TSC1: variants seen among roughly 807,000 people sequenced by gnomAD.
TSC1 encodes hamartin.
A neutral mutation model predicts 124.3 loss-of-function variants in TSC1; 20 were observed. The ratio of observed to expected loss-of-function variants is 0.16; its 90% CI spans 0.11 to 0.23. The LOEUF (loss-of-function observed/expected upper bound fraction) is 0.23, where lower values mean the gene tolerates loss of function less well. TSC1 is among the 10% of genes least tolerant of loss of function. The pLI, the probability that TSC1 is intolerant of heterozygous loss-of-function variation, is 1.00. For synonymous variants in TSC1, 493 were observed against 539.1 expected (o/e 0.91, Z 1.19); for missense variants, 1,124 against 1,448.5 (o/e 0.78, Z 3.64).
At position 132,906,014 on chromosome 9, in the gene TSC1, C is replaced by A. The variant is rs1461138345; in HGVS notation, c.1564G>T (p.Ala522Ser). Residue 522 changes from alanine (A) to serine (S), a missense_variant, in exon 15 of 23, where the codon GCA (alanine) becomes TCA (serine). Transcript: ENST00000298552. The surrounding 1 kb of genome is among the most constrained non-coding windows in gnomAD (Gnocchi z 4.1). ...CTGGCGCCCTGAGAACTGGAGGCTG[C>A]CGAGTGGGTCTTCCGCTGAGAACCT... ...LPGSQRKTHS[A>S]ASSSQGASVN... 1 of 1,613,956 alleles carries A rather than the reference C, an allele frequency of 6.2e-7. No individual in the cohort carries two copies. The highest frequency in any genetic ancestry group is 8.5e-7 in the Non-Finnish European group (1 of 1,179,972).
Position 132,892,503 on chromosome 9 carries a change from G to A in TSC1, c.*3732C>T, listed in dbSNP as rs749141370. ...GCAGCTTCCTTCTCCAGGTGGGGCA[G>A]AGCCCCCTGGGGGAACAACTCTCCA... On this transcript the variant is annotated 3_prime_UTR_variant, in exon 23 of 23. Coordinates refer to ENST00000298552, the MANE Select transcript of TSC1 (RefSeq NM_000368.5). 6.4e-5 allele frequency: 15 copies of A among 233,428 alleles called. No homozygotes were observed. The South Asian group carries it at 1.8e-3, about 28-fold the overall frequency. 14.5% of individuals were successfully genotyped at this position (233,428 alleles called of 1,614,324 possible).
intron 20 of TSC1, 153 bp downstream of exon 20, chr9:132,900,562 G>A (rs1319465612): frequency 1.6e-6 from 2 of 1,272,960 alleles, no homozygotes; most frequent in Non-Finnish European, 2.3e-6. Context: ...TGGCTGGAAA[G>A]TGCTTGTATA....
Position 132,896,022 on chromosome 9 carries a change from G to T in TSC1, c.*213C>A. The T allele has an allele frequency of 1.5e-6, 1 of 656,624 alleles. No homozygotes were observed. The highest frequency in any genetic ancestry group is 2.7e-6 in the Non-Finnish European group (1 of 370,460). The allele number at this position is 656,624 out of a possible 1,614,324, so 40.7% of individuals were successfully genotyped here. A position where few individuals can be genotyped will look rare whatever the true frequency, so the allele number is the denominator to read the frequency against. On this transcript the variant is annotated 3_prime_UTR_variant, in exon 23 of 23. Transcript: ENST00000298552. This position sits in a 1 kb window ranked among gnomAD's most constrained non-coding sequence, Gnocchi z 4.5. ...ACACACTGCGAGGTAAATGAGAGGGGGTTAGGGCGGGTGGAGGGGAAGGTC... is the reference window on the plus strand; with the variant it reads ...ACACACTGCGAGGTAAATGAGAGGGTGTTAGGGCGGGTGGAGGGGAAGGTC...
chr9:132,906,285 C>T lies in TSC1; in HGVS notation c.1439-146G>A, dbSNP rs1845667610. The stretch of plus-strand genomic sequence containing the variant: ...ATCCGGCTGGACACAGTGGCTCACG[C>T]CTGTAATGCCAGAACTTTGGGAGGC... On this transcript the variant is annotated intron_variant, in intron 14 of 22. Transcript: ENST00000298552. The surrounding 1 kb of genome is among the most constrained non-coding windows in gnomAD (Gnocchi z 4.1). The T allele has an allele frequency of 6.6e-5, 61 of 917,336 alleles. No individual in the cohort carries two copies. The South Asian group carries it at 8.2e-4, about 12-fold the overall frequency. 56.8% of individuals were successfully genotyped at this position (917,336 alleles called of 1,614,324 possible).
rs189335695 is a variant in TSC1, at chr9:132,900,604, C to T, written c.2625+111G>A. 145 of 1,573,710 alleles carry T rather than the reference C, an allele frequency of 9.2e-5. 1 individual carries two copies. In the Middle Eastern group the frequency reaches 9.2e-4, roughly 10 times the overall value. The stretch of plus-strand genomic sequence containing the variant: ...CCACGGAGTAGTGGGACTGCCGCTC[C>T]GTCTTTTAGGAAATAAGTCATCAAG... On this transcript the variant is annotated intron_variant, in intron 20 of 22. Coordinates refer to ENST00000298552, the MANE Select transcript of TSC1 (RefSeq NM_000368.5).
intron 8 of TSC1, among the ~76,000 whole-genome samples, chr9:132,914,674 T>C (rs1014853688): frequency 4.6e-4 from 59 of 128,892 alleles, no homozygotes; most frequent in African/African-American, 1.4e-3. Flanking sequence ...ATGGGCAACA[T>C]GGCAAAACCC....
chr9:132,926,018 A>G (rs1282376250), intron 4 of TSC1: 2 of 461,362 alleles, frequency 4.3e-6, no homozygotes, highest in Non-Finnish European at 7.9e-6. Flanking sequence ...GCCCCTCAAT[A>G]ACCAACAGTC....
Position 132,895,107 on chromosome 9 carries a change from A to G in TSC1, c.*1128T>C, listed in dbSNP as rs1844964443. ...GTGTGATGACATCAGCTCCCTGGAG[A>G]GTCAGCCCCTGAAAGTTGGAATTGG... On this transcript the variant is annotated 3_prime_UTR_variant, in exon 23 of 23. Coordinates refer to ENST00000298552, the MANE Select transcript of TSC1 (RefSeq NM_000368.5). The G allele has an allele frequency of 4.3e-6, 1 of 233,174 alleles. No homozygotes were observed. The highest frequency in any genetic ancestry group is 2.2e-5 in the African/African-American group (1 of 45,396). The allele number at this position is 233,174 out of a possible 1,614,324, so 14.4% of individuals were successfully genotyped here.
In TSC1 at chr9:132,916,870, G is replaced by C. The variant is rs115887871; in HGVS notation, c.738-4413C>G. ...TTCCCTGGACATGGTCCTGTAAAAC[G>C]GTCATGATCAGGCCCCAGTCTCCTG... On this transcript the variant is annotated intron_variant, in intron 8 of 22. Coordinates refer to ENST00000298552, the MANE Select transcript of TSC1 (RefSeq NM_000368.5). Among the ~76,000 whole-genome samples, 175 of 152,218 alleles carry C rather than the reference G, an allele frequency of 1.1e-3. 1 individual carries two copies. Among genetic ancestry groups the C allele is most frequent in the African/African-American group, 4.1e-3 (170 of 41,530 alleles).
rs1588311152 is a variant in TSC1, at chr9:132,906,105, T to G, written c.1473A>C (p.Thr491=). 1.2e-6 allele frequency: 2 copies of G among 1,613,616 alleles called. No homozygotes were observed. Among genetic ancestry groups the G allele is most frequent in the East Asian group, 2.2e-5 (1 of 44,884 alleles). Residue 491 remains threonine (T), a synonymous_variant, in exon 15 of 23, where the codon ACA becomes ACC. Coordinates refer to ENST00000298552, the MANE Select transcript of TSC1 (RefSeq NM_000368.5). The surrounding 1 kb of genome is among the most constrained non-coding windows in gnomAD (Gnocchi z 4.1). ...AISRELSEIT[T]AEAEPVVPRG... is the part of the protein sequence containing the mutation. ...GAGGAACCACAGGCTCTGCCTCTGC[T>G]GTGGTGATCTCAGAAAGTTCTCTAG...
rs576281564 is a variant in TSC1 at position 132,893,128 on chromosome 9, G to A, written c.*3107C>T. The A allele has an allele frequency of 5.1e-5, 12 of 233,146 alleles. No individual in the cohort carries two copies. Among genetic ancestry groups the A allele is most frequent in the East Asian group, 3.0e-4 (5 of 16,588 alleles). The allele number at this position is 233,146 out of a possible 1,614,324, so 14.4% of individuals were successfully genotyped here. On this transcript the variant is annotated 3_prime_UTR_variant, in exon 23 of 23. Transcript: ENST00000298552. ...TGGCTCACAAAGTAGCTCACCTCTC[G>A]CCTCTCCACTCTTCAAGCTTAGTAA... is the stretch of plus-strand genomic sequence containing the variant.
chr9:132,903,626 C>T lies in TSC1; in HGVS notation c.2208+25G>A. 1 of 1,611,898 alleles carries T rather than the reference C, an allele frequency of 6.2e-7. No homozygotes were observed. The highest frequency in any genetic ancestry group is 8.5e-7 in the Non-Finnish European group (1 of 1,179,746). ...CCAAAACAAAACAAAAAGCAAGCTC[C>T]ACCTGTCCCCTCCCCAGTCCTCACC... On this transcript the variant is annotated intron_variant, in intron 17 of 22. Transcript: ENST00000298552. This position sits in a 1 kb window ranked among gnomAD's most constrained non-coding sequence, Gnocchi z 5.9.
At position 132,944,611 on chromosome 9, in the gene TSC1, A is replaced by T. The variant is rs975064586; in HGVS notation, c.-212T>A. On this transcript the variant is annotated 5_prime_UTR_variant, in exon 1 of 23. Transcript: ENST00000298552. ...AGCCTACAGGGCGCCGCCATCTTGG[A>T]CGTACAGCACCTCCCCCGTCGTGAA... is the stretch of plus-strand genomic sequence containing the variant. 4 of 398,652 alleles carry T rather than the reference A, an allele frequency of 1.0e-5. No homozygotes were observed. Among genetic ancestry groups the T allele is most frequent in the Non-Finnish European group, 1.8e-5 (4 of 226,286 alleles). 24.7% of individuals were successfully genotyped at this position (398,652 alleles called of 1,614,324 possible).
chr9:132,930,292 G>A (rs941319584), intron 2 of TSC1, among the ~76,000 whole-genome samples: 6 of 152,020 alleles, frequency 3.9e-5, no homozygotes, highest in Non-Finnish European at 7.4e-5. Context: ...AGCTGAGGCC[G>A]GATGTAGTGG....
In TSC1 at chr9:132,897,525, G is replaced by T. The variant is rs1564471932; in HGVS notation, c.2711C>A (p.Thr904Asn). ...HVLQQTQRLD[T>N]SQKRILELES... ...CAGTTCCAAAATCCGTTTTTGGGAG[G>T]TATCAAGCCTCTGAGTCTGCTGGAG... The change falls in exon 21 of 23, where the codon ACC becomes AAC. Residue 904 changes from threonine (T) to asparagine (N), a missense_variant. Transcript: ENST00000298552. 1 of 1,599,962 alleles carries T rather than the reference G, an allele frequency of 6.3e-7. No homozygotes were observed. The highest frequency in any genetic ancestry group is 1.7e-5 in the Admixed American group (1 of 59,116).
intron 1 of TSC1, among the ~76,000 whole-genome samples, chr9:132,944,212 A>C (rs1437304590): frequency 6.6e-6 from 1 of 151,998 alleles, no homozygotes; most frequent in Non-Finnish European, 1.5e-5. Flanking sequence ...CACCCCACCA[A>C]GTGAGGGACT....
rs765145057 is a variant in TSC1, at chr9:132,910,579, G to C, written c.1255C>G (p.Pro419Ala). The change falls in exon 12 of 23, where the codon CCC (proline) becomes GCC (alanine). Residue 419 changes from proline (P) to alanine (A), a missense_variant. By Grantham distance (27) the Pro-to-Ala change is conservative (BLOSUM62 -1). Around this residue, in one of 5 missense-constraint regions of TSC1, gnomAD observed 463 missense variants for 606.8 expected, o/e 0.76. Coordinates refer to ENST00000298552, the MANE Select transcript of TSC1 (RefSeq NM_000368.5). ...GACGAGCTGGATCGCACCTTCCTGG[G>C]GGGTGTGACTGTGGCCTGGGGGAGT... ...ISLPQATVTP[P>A]RKEERMDSAR... 1.9e-6 allele frequency: 3 copies of C among 1,614,064 alleles called. No individual in the cohort carries two copies. The highest frequency in any genetic ancestry group is 2.5e-6 in the Non-Finnish European group (3 of 1,180,042).
intron 1 of TSC1, among the ~76,000 whole-genome samples, chr9:132,940,463 C>A (rs1847675912): frequency 6.6e-6 from 1 of 152,174 alleles, no homozygotes; most frequent in Non-Finnish European, 1.5e-5. Context: ...TGAGTCCACA[C>A]ACCTTCCCAC....
At chr9:132,936,160 G>C (rs1186988427) in intron 1 of TSC1, among the ~76,000 whole-genome samples, 2 of 151,946 alleles carry the variant, frequency 1.3e-5, no homozygotes, top group Non-Finnish European at 2.9e-5. Context: ...TCACTCTTAG[G>C]CTAGAGTACA....
Sources: allele counts gnomAD v4.1 joint callset (sites outside exome capture counted in the v4.1 genomes callset), GRCh38; gene constraint gnomAD v4.1.1; regional missense constraint gnomAD v4.1.1; non-coding constraint Gnocchi (gnomAD v3.1); transcripts MANE v1.5; gene names NCBI Gene and HGNC (gene_info 2026-07-23, HGNC 2026-07-21).